The following RIPOR2 variants were observed in gnomAD, a reference collection of about 807,000 sequenced individuals.
RIPOR2 encodes the protein RHO family interacting cell polarization regulator 2.
In RIPOR2, 39 loss-of-function variants were observed where a neutral mutation model predicts 114.5. The observed-to-expected ratio is 0.34, with a 90% CI of 0.26 to 0.44. The LOEUF (loss-of-function observed/expected upper bound fraction) is 0.44. RIPOR2 is among the 20% of genes least tolerant of loss of function. The pLI is 1.00. For missense variants in RIPOR2, 1,007 were observed against 1,255.1 expected, an observed-to-expected ratio of 0.80 and a Z score of 2.99; for synonymous variants, 445 against 484.4, an observed-to-expected ratio of 0.92 and a Z score of 1.07.
intron 12 of RIPOR2, among the ~76,000 whole-genome samples, chr6:24,845,643 G>A (rs1241080161): frequency 6.6e-6 from 1 of 152,158 alleles, no homozygotes; most frequent in East Asian, 1.9e-4. Flanking sequence ...AATAAATTGA[G>A]ATGCCCTGCC....
At chr6:24,890,959 A>C (rs1581722586) in intron 1 of RIPOR2, among the ~76,000 whole-genome samples, 1 of 58,192 alleles carries the variant, frequency 1.7e-5, no homozygotes, top group South Asian at 5.6e-4. Flanking sequence ...AAATTTATAC[A>C]AAAAAAAAAT....
chr6:25,037,305 G>A lies in RIPOR2; in HGVS notation c.76+4546C>T, dbSNP rs973617826. ...TTTTCAGGGTTTCTTTCCTTTAATCGCCCACCCCAACTGTGGCAGACTAAA... is the reference window on the plus strand; with the variant it reads ...TTTTCAGGGTTTCTTTCCTTTAATCACCCACCCCAACTGTGGCAGACTAAA... On this transcript the variant is annotated intron_variant, in intron 1 of 13. Transcript: ENST00000510784. The surrounding 1 kb of genome is among the most constrained non-coding windows in gnomAD (Gnocchi z 4.5). 3.3e-5 allele frequency among the ~76,000 whole-genome samples: 5 copies of A among 151,960 alleles called. 1 individual carries two copies. The South Asian group carries it at 6.2e-4, about 19-fold the overall frequency.
intron 12 of RIPOR2, among the ~76,000 whole-genome samples, chr6:24,844,621 C>T (rs1456340411): frequency 6.6e-6 from 1 of 152,064 alleles, no homozygotes; most frequent in Non-Finnish European, 1.5e-5. Flanking sequence ...CAGGCATGCG[C>T]CACCACGCCC....
At chr6:24,844,724 G>A (rs1280623536) in intron 12 of RIPOR2, among the ~76,000 whole-genome samples, 1 of 152,086 alleles carries the variant, frequency 6.6e-6, no homozygotes, top group African/African-American at 2.4e-5. Flanking sequence ...TGATCCGCCT[G>A]CCTCAGCCTC....
chr6:24,905,838 C>T (rs966376886), intron 1 of RIPOR2, among the ~76,000 whole-genome samples: 7 of 152,202 alleles, frequency 4.6e-5, no homozygotes, highest in African/African-American at 1.7e-4. Flanking sequence ...CCTGCCCTTG[C>T]CTTCCTTCCA....
intron 1 of RIPOR2, among the ~76,000 whole-genome samples, chr6:24,887,009 A>G (rs1363472684): frequency 6.6e-6 from 1 of 152,072 alleles, no homozygotes; most frequent in Non-Finnish European, 1.5e-5. Context: ...TTCTTTCTTT[A>G]TTGTCACTGT....
At chr6:24,960,976 C>T (rs957577247) in intron 1 of RIPOR2, among the ~76,000 whole-genome samples, 2 of 152,170 alleles carry the variant, frequency 1.3e-5, no homozygotes, top group Non-Finnish European at 2.9e-5. Context: ...TCAAGGGATA[C>T]TTTGTCCATT....
intron 13 of RIPOR2, 88 bp downstream of exon 13, chr6:24,842,774 T>C: frequency 1.4e-6 from 1 of 698,228 alleles, no homozygotes; most frequent in Non-Finnish European, 2.1e-6. Context: ...CAGGATTTTT[T>C]TTTTAAATGA....
intron 1 of RIPOR2, among the ~76,000 whole-genome samples, chr6:24,916,479 G>A (rs1005905757): frequency 6.6e-6 from 1 of 152,164 alleles, no homozygotes; most frequent in South Asian, 2.1e-4. Context: ...GAGTGTAGAG[G>A]ATAGCCAATA....
chr6:24,996,480 C>T (rs1775052593), intron 1 of RIPOR2, among the ~76,000 whole-genome samples: 1 of 152,214 alleles, frequency 6.6e-6, no homozygotes. Flanking sequence ...TGCCTCTCGT[C>T]TATACAGTCC....
rs148914131 is a variant in RIPOR2 at position 24,894,718 on chromosome 6, C to T, written c.62-18901G>A. On this transcript the variant is annotated intron_variant, in intron 1 of 21. Transcript: ENST00000643898. ...CCCATAACCATTCCCAACCACTAGG[C>T]GCTCATTGAGGGTCAACAACACAGT... is the stretch of plus-strand genomic sequence containing the variant. Among the ~76,000 whole-genome samples, 5 of 152,284 alleles carry T rather than the reference C, an allele frequency of 3.3e-5. No individual in the cohort carries two copies. In the East Asian group the frequency reaches 7.7e-4, roughly 23 times the overall value.
chr6:24,984,341 A>G (rs1374742333), intron 1 of RIPOR2, among the ~76,000 whole-genome samples: 1 of 152,126 alleles, frequency 6.6e-6, no homozygotes, highest in Non-Finnish European at 1.5e-5. Context: ...GTGAAGAGCC[A>G]TGTTTTGCGG....
chr6:24,914,386 G>T lies in RIPOR2; in HGVS notation c.61+21452C>A, dbSNP rs556803562. Among the ~76,000 whole-genome samples the T allele has an allele frequency of 3.3e-5, 5 of 152,234 alleles. No individual in the cohort carries two copies. In the South Asian group the frequency reaches 1.0e-3, roughly 32 times the overall value. ...AAAAAGACCCCAAGTAGTAATAATA[G>T]CTATTATTTCAAGAAGTAATTGAGT... On this transcript the variant is annotated intron_variant, in intron 1 of 21. Coordinates refer to ENST00000643898, the MANE Select transcript of RIPOR2 (RefSeq NM_001286445.3).
chr6:24,970,845 T>A (rs1351811119), intron 1 of RIPOR2, among the ~76,000 whole-genome samples: 1 of 152,194 alleles, frequency 6.6e-6, no homozygotes, highest in Non-Finnish European at 1.5e-5. Flanking sequence ...TCAGACGGCC[T>A]GGCTTTGAAT....
chr6:24,833,796 C>T (rs1285368145), intron 15 of RIPOR2, among the ~76,000 whole-genome samples: 1 of 151,974 alleles, frequency 6.6e-6, no homozygotes, highest in East Asian at 1.9e-4. Context: ...ATTGCTCATC[C>T]CCACAGAAAG....
rs112061020 is a variant in RIPOR2 at position 24,870,803 on chromosome 6, C to T, written c.447+63G>A. ...TGCTGGGATGACAGGCGTGAGCCAC[C>T]GTGCCCAGCAAGGATGCAGAATTTT... On this transcript the variant is annotated intron_variant, in intron 5 of 21. Coordinates refer to ENST00000643898, the MANE Select transcript of RIPOR2 (RefSeq NM_001286445.3). 0.026 allele frequency: 33,259 copies of T among 1,280,674 alleles called. 652 individuals carry two copies. Among genetic ancestry groups the T allele is most frequent in the African/African-American group, 0.068 (4,635 of 68,066 alleles). The allele number at this position is 1,280,674 out of a possible 1,614,324, so 79.3% of individuals were successfully genotyped here.
At chr6:25,027,579 G>A (rs9356957) in intron 1 of RIPOR2, among the ~76,000 whole-genome samples, 32,017 of 152,238 alleles carry the variant, frequency 0.21, 4,161 homozygotes, top group East Asian at 0.59. Context: ...GGCACACTCC[G>A]AGCAGGCCCC....
At chr6:24,960,024 G>T (rs959935091) in intron 1 of RIPOR2, among the ~76,000 whole-genome samples, 1 of 152,120 alleles carries the variant, frequency 6.6e-6, no homozygotes, top group African/African-American at 2.4e-5. Context: ...GTCTAAACGT[G>T]TTACAAGTTC....
At chr6:24,870,163 T>C (rs551213536) in intron 5 of RIPOR2, among the ~76,000 whole-genome samples, 1 of 152,240 alleles carries the variant, frequency 6.6e-6, no homozygotes, top group Non-Finnish European at 1.5e-5. Flanking sequence ...TGTCAGATTT[T>C]AACTGGAATC....
Sources: allele counts gnomAD v4.1 joint callset (sites outside exome capture counted in the v4.1 genomes callset), GRCh38; gene constraint gnomAD v4.1.1; non-coding constraint Gnocchi (gnomAD v3.1); transcripts MANE v1.5; gene names NCBI Gene and HGNC (gene_info 2026-07-23, HGNC 2026-07-21).